The following ASTN2 variants were observed in gnomAD, a reference collection of about 807,000 sequenced individuals.
The protein encoded by ASTN2 is astrotactin-2.
ASTN2 carries 54 observed loss-of-function variants against 139.8 expected under a neutral mutation model. The observed-to-expected ratio is 0.39, with a 90% CI of 0.31 to 0.48. ASTN2 has a LOEUF of 0.48. Among genes scored for constraint, ASTN2 ranks in the 20% least tolerant of loss-of-function variants. The pLI, the probability that ASTN2 is intolerant of heterozygous loss-of-function variation, is 0.95. For synonymous variants in ASTN2, 756 were observed against 719.5 expected (o/e 1.05, Z -0.81); for missense variants, 1,565 against 1,725.1 (o/e 0.91, Z 1.64).
chr9:116,916,358 T>C (rs1265584616), intron 10 of ASTN2, among the ~76,000 whole-genome samples: 1 of 152,110 alleles, frequency 6.6e-6, no homozygotes, highest in Non-Finnish European at 1.5e-5. Context: ...CTCAGAAATG[T>C]CTCATCACAG....
intron 19 of ASTN2, among the ~76,000 whole-genome samples, chr9:116,532,560 AG>A (rs1318284520): frequency 6.6e-6 from 1 of 152,232 alleles, no homozygotes; most frequent in East Asian, 1.9e-4. Flanking sequence ...GAAGGGATCC[AG>A]TTTCAGCTTT....
intron 6 of ASTN2, among the ~76,000 whole-genome samples, chr9:117,038,373 G>A (rs1434411039): frequency 1.3e-5 from 2 of 152,182 alleles, no homozygotes; most frequent in African/African-American, 2.4e-5. Flanking sequence ...AGTTTATTGC[G>A]TCTACAGAGC....
chr9:117,097,378 G>T (rs1392996271), intron 4 of ASTN2, among the ~76,000 whole-genome samples: 3 of 152,132 alleles, frequency 2.0e-5, no homozygotes, highest in Non-Finnish European at 4.4e-5. Flanking sequence ...TTATCTTTGT[G>T]CTTTCTGCTT....
intron 5 of ASTN2, among the ~76,000 whole-genome samples, chr9:117,075,767 G>A (rs1199584906): frequency 1.3e-5 from 2 of 152,164 alleles, no homozygotes; most frequent in African/African-American, 4.8e-5. Context: ...TTAGACACAA[G>A]CTTAATTCTC....
chr9:117,076,409 AG>A (rs1364592592), intron 5 of ASTN2, among the ~76,000 whole-genome samples: 1 of 151,846 alleles, frequency 6.6e-6, no homozygotes, highest in East Asian at 2.0e-4. Flanking sequence ...GGAGAAAAAG[AG>A]GGGGGGATAG....
At chr9:116,822,033 C>G (rs983367549) in intron 11 of ASTN2, among the ~76,000 whole-genome samples, 2 of 151,992 alleles carry the variant, frequency 1.3e-5, no homozygotes, top group African/African-American at 2.4e-5. Context: ...ACACCCAGAG[C>G]CCAGCCTTCC....
intron 10 of ASTN2, among the ~76,000 whole-genome samples, chr9:116,913,447 C>A (rs1834367151): frequency 6.6e-6 from 1 of 152,186 alleles, no homozygotes; most frequent in Non-Finnish European, 1.5e-5. Flanking sequence ...TCCACAAGAA[C>A]TCCAGGCTCT....
chr9:116,885,790 AC>A (rs1833580976), intron 10 of ASTN2, among the ~76,000 whole-genome samples: 2 of 152,318 alleles, frequency 1.3e-5, no homozygotes, highest in South Asian at 4.1e-4. Context: ...AGCCCATATT[AC>A]TTCTCTTTTC....
chr9:117,288,063 G>A (rs1022722134), intron 2 of ASTN2, among the ~76,000 whole-genome samples: 3 of 152,158 alleles, frequency 2.0e-5, no homozygotes, highest in Admixed American at 1.3e-4. Flanking sequence ...GAATTCCATC[G>A]CTCTGCTTTT....
At chr9:116,775,195 C>T (rs1830049483) in intron 13 of ASTN2, among the ~76,000 whole-genome samples, 1 of 152,038 alleles carries the variant, frequency 6.6e-6, no homozygotes, top group East Asian at 1.9e-4. Flanking sequence ...GATGGCGATT[C>T]CACTGAGTCC....
At chr9:117,140,943 C>T (rs1830060831) in intron 4 of ASTN2, among the ~76,000 whole-genome samples, 1 of 152,200 alleles carries the variant, frequency 6.6e-6, no homozygotes, top group African/African-American at 2.4e-5. Flanking sequence ...GCGCAGACCC[C>T]TGTTTCTGGC....
chr9:116,437,130 C>T lies in ASTN2; in HGVS notation c.3782+3479G>A, dbSNP rs977336533. 52 of 338,522 alleles carry T rather than the reference C, an allele frequency of 1.5e-4. No individual in the cohort carries two copies. In the East Asian group the frequency reaches 1.8e-3, roughly 11 times the overall value. 21.0% of individuals were successfully genotyped at this position (338,522 alleles called of 1,614,324 possible). A position where few individuals can be genotyped will look rare whatever the true frequency, so the allele number is the denominator to read the frequency against. On this transcript the variant is annotated intron_variant, in intron 22 of 22. Transcript: ENST00000313400. ...CTAGATGACGAGTTAGTGGGTGCAGCGCACCAGCATGGCACATGTAACTAA... is the reference window on the plus strand; with the variant it reads ...CTAGATGACGAGTTAGTGGGTGCAGTGCACCAGCATGGCACATGTAACTAA...
chr9:117,374,077 C>T (rs566771680), intron 1 of ASTN2, among the ~76,000 whole-genome samples: 1 of 152,148 alleles, frequency 6.6e-6, no homozygotes, highest in Admixed American at 6.6e-5. Context: ...GAAATACTTG[C>T]AACTGTTATG....
chr9:116,709,215 C>T (rs1828075405), intron 16 of ASTN2, among the ~76,000 whole-genome samples: 1 of 152,144 alleles, frequency 6.6e-6, no homozygotes, highest in African/African-American at 2.4e-5. Context: ...GCATATTTCA[C>T]CTATAGGAAA....
rs180794376 is a variant in ASTN2, at chr9:116,453,687, C to T, written c.3498-11134G>A. On this transcript the variant is annotated intron_variant, in intron 20 of 22. Transcript: ENST00000313400. ...AATAAATGTTATCTTGCTTATCTTG[C>T]TTACTTATGATACTCAAGTAAGATA... Among the ~76,000 whole-genome samples, 429 of 148,114 alleles carry T rather than the reference C, an allele frequency of 2.9e-3. 4 individuals are homozygous for T. Among genetic ancestry groups the T allele is most frequent in the African/African-American group, 1.0e-2 (405 of 40,602 alleles).
intron 10 of ASTN2, among the ~76,000 whole-genome samples, chr9:116,964,216 GGTGT>G (rs56209166): frequency 0.035 from 4,896 of 140,754 alleles, 235 homozygotes; most frequent in African/African-American, 0.1. Context: ...ACTGCCCTGG[GGTGT>G]GTGTGTGTGT....
chr9:116,488,845 T>G (rs1371664625), intron 19 of ASTN2, among the ~76,000 whole-genome samples: 1 of 152,176 alleles, frequency 6.6e-6, no homozygotes, highest in African/African-American at 2.4e-5. Context: ...AAACATATAT[T>G]GCTTTTGTAA....
At chr9:117,319,064 A>G (rs1828236993) in intron 1 of ASTN2, among the ~76,000 whole-genome samples, 1 of 152,200 alleles carries the variant, frequency 6.6e-6, no homozygotes, top group South Asian at 2.1e-4. Context: ...AAGGTGAACA[A>G]TTTTCTCCAA....
intron 1 of ASTN2, among the ~76,000 whole-genome samples, chr9:117,369,610 T>G (rs1829937573): frequency 6.6e-6 from 1 of 152,122 alleles, no homozygotes; most frequent in African/African-American, 2.4e-5. Flanking sequence ...CTGTCATTCT[T>G]TTAGACTAAA....
Sources: gnomAD v4.1 joint callset for allele counts (sites outside exome capture counted in the v4.1 genomes callset) on GRCh38, gnomAD v4.1.1 for gene constraint, MANE v1.5 for transcripts, NCBI Gene and HGNC (gene_info 2026-07-23, HGNC 2026-07-21) for gene names.